The following IQSEC3 variants were observed in gnomAD, a reference collection of about 807,000 sequenced individuals.
The protein encoded by IQSEC3 is IQ motif and SEC7 domain-containing protein 3.
In IQSEC3, 50 loss-of-function variants were observed where a neutral mutation model predicts 105.4. The ratio of observed to expected loss-of-function variants is 0.47; its 90% CI spans 0.38 to 0.60. The LOEUF is 0.60. Among genes scored for constraint, IQSEC3 ranks in the 20% least tolerant of loss-of-function variants. IQSEC3 has a pLI of 0.00. For missense variants in IQSEC3, 1,415 were observed against 1,630.0 expected (o/e 0.87, Z 2.27); for synonymous variants, 708 against 746.0 (o/e 0.95, Z 0.83).
At chr12:105,514 G>A (rs1392467486) in intron 2 of IQSEC3, among the ~76,000 whole-genome samples, 1 of 152,170 alleles carries the variant, frequency 6.6e-6, no homozygotes, top group East Asian at 1.9e-4. Flanking sequence ...AGCCGACCTG[G>A]GCTCCATGCC....
chr12:126,819 G>A (rs1347193246), intron 3 of IQSEC3, among the ~76,000 whole-genome samples: 1 of 152,174 alleles, frequency 6.6e-6, no homozygotes, highest in East Asian at 1.9e-4. Context: ...CAACCCAATA[G>A]GCAAGGTATC....
intron 13 of IQSEC3, among the ~76,000 whole-genome samples, chr12:171,716 G>A (rs746797130): frequency 3.0e-4 from 46 of 152,110 alleles, no homozygotes; most frequent in Non-Finnish European, 5.0e-4. Context: ...ACTCCTCCCC[G>A]GAACAACTGG....
intron 13 of IQSEC3, among the ~76,000 whole-genome samples, chr12:174,324 T>C (rs1293892916): frequency 6.6e-6 from 1 of 152,070 alleles, no homozygotes; most frequent in African/African-American, 2.4e-5. Context: ...GCAGCAGATG[T>C]ATGCAGAGCC....
At chr12:156,656 G>A (rs1452366443) in intron 5 of IQSEC3, among the ~76,000 whole-genome samples, 4 of 152,198 alleles carry the variant, frequency 2.6e-5, no homozygotes, top group African/African-American at 2.4e-5. Flanking sequence ...GCTCCTAGCG[G>A]GTCTCTGAAA....
At chr12:107,584 G>T (rs1177676631) in intron 2 of IQSEC3, among the ~76,000 whole-genome samples, 3 of 151,478 alleles carry the variant, frequency 2.0e-5, no homozygotes, top group Non-Finnish European at 3.0e-5. Context: ...TAATTTTTTT[G>T]TATTTTTAGT....
At chr12:99,018 T>C in intron 1 of IQSEC3, 128 bp from the exon 2 acceptor site, 1 of 784,270 alleles carries the variant, frequency 1.3e-6, no homozygotes, top group South Asian at 1.8e-5. Context: ...CTGCCTGATT[T>C]TTACACAGGG....
Position 66,925 on chromosome 12 carries a change from C to G in IQSEC3, c.43C>G (p.Leu15Val). The G allele has an allele frequency of 1.3e-6, 2 of 1,518,742 alleles. No homozygotes were observed. The highest frequency in any genetic ancestry group is 1.8e-6 in the Non-Finnish European group (2 of 1,139,496). The allele number at this position is 1,518,742 out of a possible 1,614,324, so 94.1% of individuals were successfully genotyped here. Residue 15 changes from leucine (L) to valine (V), a missense_variant, in exon 1 of 14, where the codon CTC becomes GTC. This residue lies in a region of IQSEC3 where 34 missense variants were observed against 80.3 expected (regional missense o/e 0.42). Transcript: ENST00000538872. ...GAATCCGGTGCGCGCCGTGCTCTAC[C>G]TCAAGGAGCTCACGGCCATCGTGCA... ...LENPVRAVLYLKELTAIVQNQ... is the reference protein window; with the variant it reads ...LENPVRAVLYVKELTAIVQNQ...
Position 139,306 on chromosome 12 carries a change from A to G in IQSEC3, c.1943A>G (p.Asp648Gly). ...TGCAAGTCGCCCACGCTCTCCACCG[A>G]CACCCTGCGCAAGCGGCTCTACCGC... is the stretch of plus-strand genomic sequence containing the variant. ...ASCKSPTLSTDTLRKRLYRIG... is the reference protein window; with the variant it reads ...ASCKSPTLSTGTLRKRLYRIG... The change falls in exon 4 of 14, where the codon GAC (aspartate) becomes GGC (glycine). Residue 648 changes from aspartate (D) to glycine (G), a missense_variant. Physicochemically the swap from Asp to Gly is moderately conservative, Grantham distance 94. Coordinates refer to ENST00000538872, the MANE Select transcript of IQSEC3 (RefSeq NM_001170738.2). 6.2e-7 allele frequency: 1 copy of G among 1,600,738 alleles called. No homozygotes were observed. The highest frequency in any genetic ancestry group is 2.3e-5 in the East Asian group (1 of 43,556).
chr12:154,352 G>GA (rs1866612518), intron 5 of IQSEC3, among the ~76,000 whole-genome samples: 6 of 152,200 alleles, frequency 3.9e-5, no homozygotes, highest in Non-Finnish European at 8.8e-5. Flanking sequence ...AGTGCCCTGG[G>GA]CCTCCCAGCA....
chr12:132,779 C>T (rs1865642766), intron 3 of IQSEC3, among the ~76,000 whole-genome samples: 1 of 152,124 alleles, frequency 6.6e-6, no homozygotes, highest in Non-Finnish European at 1.5e-5. Context: ...ACAGAGGATA[C>T]ACAGGCTGCT....
At chr12:69,458 C>A (rs1168334482) in intron 1 of IQSEC3, among the ~76,000 whole-genome samples, 1 of 152,246 alleles carries the variant, frequency 6.6e-6, no homozygotes, top group Admixed American at 6.5e-5. Flanking sequence ...TTTTGCTTCC[C>A]AAAGGAGCAG....
intron 1 of IQSEC3, among the ~76,000 whole-genome samples, chr12:83,380 AC>A (rs1863811771): frequency 6.6e-6 from 1 of 152,118 alleles, no homozygotes; most frequent in African/African-American, 2.4e-5. Context: ...GAAAATTCAC[AC>A]ACGTATAACA....
chr12:88,620 C>T (rs1024431835), intron 1 of IQSEC3, among the ~76,000 whole-genome samples: 2 of 152,172 alleles, frequency 1.3e-5, no homozygotes, highest in Non-Finnish European at 1.5e-5. Flanking sequence ...GGTCTGGATA[C>T]CAACAGGCCA....
At chr12:171,429 A>G (rs1733543326) in intron 13 of IQSEC3, 1 of 1,002,204 alleles carries the variant, frequency 1.0e-6, no homozygotes. Context: ...CACAGTGGAG[A>G]CGGAGCTCAC....
At chr12:145,899 G>A (rs1866246244) in intron 5 of IQSEC3, among the ~76,000 whole-genome samples, 1 of 152,234 alleles carries the variant, frequency 6.6e-6, no homozygotes, top group Admixed American at 6.5e-5. Context: ...CATGCACGTG[G>A]AGAGCATTGG....
At chr12:101,711 G>A (rs1555076238) in intron 2 of IQSEC3, among the ~76,000 whole-genome samples, 1 of 152,144 alleles carries the variant, frequency 6.6e-6, no homozygotes, top group African/African-American at 2.4e-5. Context: ...TTGTCTGTCT[G>A]TCTGTCTGTC....
At chr12:78,045 C>A (rs1174713168) in intron 1 of IQSEC3, among the ~76,000 whole-genome samples, 1 of 151,176 alleles carries the variant, frequency 6.6e-6, no homozygotes, top group African/African-American at 2.4e-5. Flanking sequence ...ACAGCCTCCG[C>A]GCGCCCCCGC....
rs758492192 is a variant in IQSEC3 at position 174,672 on chromosome 12, C to A, written c.3188C>A (p.Pro1063Gln). The change falls in exon 14 of 14, where the codon CCG (proline) becomes CAG (glutamine). Residue 1063 changes from proline (P) to glutamine (Q), a missense_variant. Transcript: ENST00000538872. ...GGGGCCGAGAGGGGAGCGCCGGTGC[C>A]GCCGCCAGACCTGCAGCCTAGCCCC... ...GLGAERGAPV[P>Q]PPDLQPSPPR... 6.3e-7 allele frequency: 1 copy of A among 1,590,120 alleles called. No individual in the cohort carries two copies. The highest frequency in any genetic ancestry group is 8.5e-7 in the Non-Finnish European group (1 of 1,175,608).
At chr12:161,354 A>C (rs1354714335) in intron 7 of IQSEC3, among the ~76,000 whole-genome samples, 1 of 152,130 alleles carries the variant, frequency 6.6e-6, no homozygotes, top group Non-Finnish European at 1.5e-5. Flanking sequence ...ACTATGAAGC[A>C]GGAGGTGGGA....
Sources: allele counts gnomAD v4.1 joint callset (sites outside exome capture counted in the v4.1 genomes callset), GRCh38; gene constraint gnomAD v4.1.1; regional missense constraint gnomAD v4.1.1; transcripts MANE v1.5; gene names NCBI Gene and HGNC (gene_info 2026-07-23, HGNC 2026-07-21).